The following MYO1H variants were observed in gnomAD, a reference collection of about 807,000 sequenced individuals.
The protein encoded by MYO1H is myosin IH, also known as unconventional myosin-Ih.
Under a neutral mutation model 149.3 loss-of-function variants are expected in MYO1H, and 118 were observed. The ratio of observed to expected loss-of-function variants is 0.79; its 90% CI spans 0.68 to 0.92. MYO1H has a LOEUF of 0.92. Among genes scored for constraint, MYO1H ranks in the 40% least tolerant of loss-of-function variants. The pLI is 0.00. For missense variants in MYO1H, 1,212 were observed against 1,280.7 expected (o/e 0.95, Z 0.82); for synonymous variants, 447 against 465.2 (o/e 0.96, Z 0.50).
intron 2 of MYO1H, among the ~76,000 whole-genome samples, chr12:109,389,570 C>T (rs1249470652): frequency 1.3e-5 from 2 of 151,630 alleles, no homozygotes; most frequent in African/African-American, 2.4e-5. Context: ...GAGAATGCAG[C>T]ACTTACCAAA....
chr12:109,344,963 A>C (rs530766117), upstream of MYO1H, among the ~76,000 whole-genome samples: 9 of 152,226 alleles, frequency 5.9e-5, no homozygotes, highest in South Asian at 2.1e-4. Context: ...ATAATACACA[A>C]AAACTTACTC....
Position 109,413,777 on chromosome 12 carries a change from GTA to G in MYO1H, c.1503-1748_1503-1747del, listed in dbSNP as rs1471461203. Reference sequence around the variant, plus strand: ...ATACAAAAATTAGCCAGGCATGGTGGTACACGCCTGTAGTTCCAGCTACTCAG... The same window carrying G: ...ATACAAAAATTAGCCAGGCATGGTGGCACGCCTGTAGTTCCAGCTACTCAG... On this transcript the variant is annotated intron_variant, in intron 14 of 31. Transcript: ENST00000310903. Among the ~76,000 whole-genome samples, 5 of 152,216 alleles carry G rather than the reference GTA, an allele frequency of 3.3e-5. No homozygotes were observed. In the East Asian group the frequency reaches 9.7e-4, roughly 29 times the overall value.
At chr12:109,310,980 A>G in the MYO1H span, among the ~76,000 whole-genome samples, 1 of 152,248 alleles carries the variant, frequency 6.6e-6, no homozygotes, top group Non-Finnish European at 1.5e-5. Flanking sequence ...TGAATGACAT[A>G]TAATTAATTC....
intron 1 of MYO1H, among the ~76,000 whole-genome samples, chr12:109,371,012 A>T (rs1350603808): frequency 6.6e-6 from 1 of 152,216 alleles, no homozygotes; most frequent in Non-Finnish European, 1.5e-5. Context: ...ATAATAATAG[A>T]GGAATTTGCT....
chr12:109,426,098 G>A, intron 18 of MYO1H, 47 bp downstream of exon 18: 1 of 1,438,234 alleles, frequency 7.0e-7, no homozygotes, highest in Non-Finnish European at 9.7e-7. Flanking sequence ...AGGAGGCTGG[G>A]AGCCAAAGCA....
chr12:109,373,444 CTT>C (rs1157810306), intron 1 of MYO1H, among the ~76,000 whole-genome samples: 4 of 151,832 alleles, frequency 2.6e-5, no homozygotes, highest in African/African-American at 4.8e-5. Flanking sequence ...TTTTTTAAAA[CTT>C]AGATGTATAA....
Position 109,427,570 on chromosome 12 carries a change from G to A in MYO1H, c.1933G>A (p.Glu645Lys), listed in dbSNP as rs369196571. The A allele has an allele frequency of 3.3e-5, 53 of 1,610,814 alleles. No homozygotes were observed. The highest frequency in any genetic ancestry group is 4.1e-5 in the Non-Finnish European group (48 of 1,177,590). The stretch of plus-strand genomic sequence containing the variant: ...TGGTTTTGCATACCGAAGGAAATAC[G>A]AGCATTTCTTGCAAAGGTAAAATGT... Residue 645 changes from glutamate (E) to lysine (K), a missense_variant, in exon 19 of 32, where the codon GAG (glutamate) becomes AAG (lysine). Transcript: ENST00000310903.
the MYO1H span, among the ~76,000 whole-genome samples, chr12:109,335,413 C>G: frequency 1.3e-5 from 2 of 152,096 alleles, no homozygotes; most frequent in African/African-American, 4.8e-5. Context: ...AGAAATTGCT[C>G]CCATGATTCA....
intron 1 of MYO1H, among the ~76,000 whole-genome samples, chr12:109,351,765 CT>C (rs1868465152): frequency 6.6e-6 from 1 of 152,194 alleles, no homozygotes; most frequent in African/African-American, 2.4e-5. Context: ...TCATCATTTG[CT>C]TCTTAAGCCG....
chr12:109,427,680 G>A lies in MYO1H; in HGVS notation c.1949+94G>A. 3.5e-6 allele frequency: 3 copies of A among 858,046 alleles called. No individual in the cohort carries two copies. In the East Asian group the frequency reaches 7.8e-5, roughly 22 times the overall value. The allele number at this position is 858,046 out of a possible 1,614,324, so 53.2% of individuals were successfully genotyped here. ...GTGGTAAATAAAATGGCATCCCTTA[G>A]GAAGGCTCAGTTTGGTTGTTAACTG... On this transcript the variant is annotated intron_variant, in intron 19 of 31. Coordinates refer to ENST00000310903, the Ensembl canonical transcript of MYO1H.
At chr12:109,411,942 G>A (rs1870694876) in exon 14 of MYO1H, 8 of 1,606,606 alleles carry the variant, frequency 5.0e-6, no homozygotes, top group African/African-American at 1.3e-5. Context: ...GAGTTTCCTG[G>A]AGAAATTGGA....
intron 31 of MYO1H, 60 bp downstream of exon 31, chr12:109,445,672 T>C: frequency 6.4e-7 from 1 of 1,557,870 alleles, no homozygotes; most frequent in Non-Finnish European, 8.6e-7. Context: ...AAGTTAAAGT[T>C]CTACCAATTT....
At chr12:109,394,598 C>CAA (rs10707269) in intron 3 of MYO1H, among the ~76,000 whole-genome samples, 4,877 of 143,898 alleles carry the variant, frequency 0.034, 108 homozygotes, top group Middle Eastern at 0.064. Flanking sequence ...CAATGACTAC[C>CAA]AAAAAAAAAA....
intron 1 of MYO1H, among the ~76,000 whole-genome samples, chr12:109,375,108 G>A (rs948259385): frequency 6.6e-6 from 1 of 150,598 alleles, no homozygotes; most frequent in Non-Finnish European, 1.5e-5. Flanking sequence ...ACCTGCCTTG[G>A]CCTCCCAAAG....
chr12:109,340,729 C>G, the MYO1H span, among the ~76,000 whole-genome samples: 1 of 150,332 alleles, frequency 6.7e-6, no homozygotes, highest in African/African-American at 2.5e-5. Flanking sequence ...GAAGGTTATT[C>G]TACATATTTG....
At chr12:109,367,040 C>T (rs904991629) in intron 1 of MYO1H, among the ~76,000 whole-genome samples, 1 of 152,154 alleles carries the variant, frequency 6.6e-6, no homozygotes, top group African/African-American at 2.4e-5. Flanking sequence ...TTGTCCCAAG[C>T]AGTTCAAATA....
intron 30 of MYO1H, 29 bp downstream of exon 30, chr12:109,444,558 G>A (rs377121582): frequency 1.3e-6 from 2 of 1,537,722 alleles, no homozygotes; most frequent in South Asian, 1.1e-5. Flanking sequence ...AGCTCAGGAA[G>A]TAATTCAATG....
the MYO1H span, among the ~76,000 whole-genome samples, chr12:109,338,765 CAAAAAAAA>C: frequency 2.3e-5 from 2 of 87,348 alleles, no homozygotes. Context: ...GACTCCATCT[CAAAAAAAA>C]AAAAAAAAAA....
the MYO1H span, among the ~76,000 whole-genome samples, chr12:109,319,808 C>T: frequency 6.6e-6 from 1 of 152,094 alleles, no homozygotes. Flanking sequence ...CACATCATAA[C>T]GAGCAAAACT....
Sources: allele counts gnomAD v4.1 joint callset (sites outside exome capture counted in the v4.1 genomes callset), GRCh38; gene constraint gnomAD v4.1.1; transcripts MANE v1.5; gene names NCBI Gene and HGNC (gene_info 2026-07-23, HGNC 2026-07-21).